ATP11B: variants seen among roughly 807,000 people sequenced by gnomAD.
ATP11B encodes the protein phospholipid-transporting ATPase IF.
In ATP11B, 81 loss-of-function variants were observed where a neutral mutation model predicts 157.8. The observed-to-expected ratio is 0.51, with a 90% CI of 0.43 to 0.62. ATP11B has a LOEUF of 0.62. Ranked by LOEUF, ATP11B falls within the 20% of genes least tolerant of loss-of-function variation. The pLI is 0.00. For synonymous variants in ATP11B, 451 were observed against 469.4 expected, an observed-to-expected ratio of 0.96 and a Z score of 0.51; for missense variants, 1,165 against 1,402.2, an observed-to-expected ratio of 0.83 and a Z score of 2.70.
intron 25 of ATP11B, among the ~76,000 whole-genome samples, chr3:182,890,238 A>G (rs1191182020): frequency 6.6e-6 from 1 of 152,212 alleles, no homozygotes; most frequent in African/African-American, 2.4e-5. Flanking sequence ...TAGGAAGGAA[A>G]GAAATGACAG....
intron 3 of ATP11B, among the ~76,000 whole-genome samples, chr3:182,828,749 G>A (rs540490632): frequency 6.6e-6 from 1 of 151,148 alleles, no homozygotes; most frequent in Non-Finnish European, 1.5e-5. Context: ...CTGTTAGACA[G>A]TTTCTTAATT....
At chr3:182,843,563 T>C (rs1460191732) in intron 8 of ATP11B, 1 of 152,220 alleles carries the variant, frequency 6.6e-6, no homozygotes, top group Non-Finnish European at 1.5e-5. Flanking sequence ...TTTTTCTTGG[T>C]TGTTTCAGAT....
At chr3:182,837,937 C>T (rs576378) in intron 7 of ATP11B, among the ~76,000 whole-genome samples, 107,183 of 151,882 alleles carry the variant, frequency 0.71, 38,286 homozygotes, top group Non-Finnish European at 0.76. Context: ...AAAAATTAAA[C>T]GATTAACTAA....
intron 22 of ATP11B, among the ~76,000 whole-genome samples, 179 bp from the exon 23 acceptor site, chr3:182,885,772 A>C (rs996646337): frequency 6.6e-6 from 1 of 152,032 alleles, no homozygotes; most frequent in Non-Finnish European, 1.5e-5. Flanking sequence ...ATGTTTTTAG[A>C]CATTTTTTGA....
At chr3:182,866,519 A>C in intron 14 of ATP11B, 76 bp downstream of exon 14, 4 of 1,246,156 alleles carry the variant, frequency 3.2e-6, no homozygotes, top group Non-Finnish European at 4.2e-6. Context: ...TCATCATTTA[A>C]AATTTTCAAA....
chr3:182,903,439 A>G (rs944294348), intron 28 of ATP11B, among the ~76,000 whole-genome samples: 1 of 152,148 alleles, frequency 6.6e-6, no homozygotes, highest in Non-Finnish European at 1.5e-5. Flanking sequence ...CATCTGATCA[A>G]ATGAATGGCT....
intron 25 of ATP11B, among the ~76,000 whole-genome samples, chr3:182,891,425 A>G (rs991955141): frequency 4.6e-5 from 7 of 152,190 alleles, no homozygotes; most frequent in South Asian, 4.1e-4. Flanking sequence ...TTATTTTTAC[A>G]TACTTGTTTC....
At chr3:182,863,864 T>C (rs1393839100) in intron 12 of ATP11B, among the ~76,000 whole-genome samples, 3 of 152,052 alleles carry the variant, frequency 2.0e-5, no homozygotes, top group Non-Finnish European at 4.4e-5. Context: ...ATCTTATATA[T>C]TTTCTGTATA....
At chr3:182,798,494 G>A (rs534861442) in intron 1 of ATP11B, among the ~76,000 whole-genome samples, 2 of 152,318 alleles carry the variant, frequency 1.3e-5, no homozygotes, top group African/African-American at 4.8e-5. Context: ...CTGTGAGTAT[G>A]TGCTGCTTTA....
chr3:182,915,088 T>C (rs1725052774), intron 29 of ATP11B: 1 of 985,280 alleles, frequency 1.0e-6, no homozygotes, highest in South Asian at 4.7e-5. Flanking sequence ...TTTTTATTAT[T>C]TGGTTAGCTT....
intron 28 of ATP11B, among the ~76,000 whole-genome samples, chr3:182,906,642 G>C (rs1199426984): frequency 1.3e-5 from 2 of 152,026 alleles, no homozygotes; most frequent in Admixed American, 6.6e-5. Flanking sequence ...GTGGAGACTG[G>C]GTCTCGCCGT....
intron 25 of ATP11B, 68 bp downstream of exon 25, chr3:182,889,616 A>C (rs1216485885): frequency 4.6e-6 from 6 of 1,312,660 alleles, no homozygotes; most frequent in Non-Finnish European, 6.2e-6. Flanking sequence ...CTTTTGTCAT[A>C]AAGTAAAATT....
intron 18 of ATP11B, 38 bp downstream of exon 18, chr3:182,872,575 C>G (rs1306714445): frequency 2.0e-6 from 3 of 1,492,104 alleles, no homozygotes; most frequent in South Asian, 1.3e-5. Context: ...ACTTTTCTCT[C>G]ATAGGAATTT....
chr3:182,813,396 G>A (rs1234393649), intron 1 of ATP11B, among the ~76,000 whole-genome samples: 1 of 152,092 alleles, frequency 6.6e-6, no homozygotes, highest in Non-Finnish European at 1.5e-5. Flanking sequence ...GTTTTGTGGG[G>A]TGTTTTGTTT....
At chr3:182,902,634 A>G in intron 28 of ATP11B, 1 of 964,232 alleles carries the variant, frequency 1.0e-6, no homozygotes, top group Non-Finnish European at 1.4e-6. Flanking sequence ...CAATATCAAA[A>G]GATGGGCAGA....
rs572611330 is a variant in ATP11B, at chr3:182,866,187, A to T, written c.1444-81A>T. On this transcript the variant is annotated intron_variant, in intron 13 of 29. Coordinates refer to ENST00000323116, the MANE Select transcript of ATP11B (RefSeq NM_014616.3). ...CAAGGTTGTAGCACTCTTGTTCTAG[A>T]TCTTAGAATTTTGCCTCTGGTTTCC... 1.6e-4 allele frequency: 167 copies of T among 1,075,478 alleles called. No individual in the cohort carries two copies. In the African/African-American group the frequency reaches 2.4e-3, roughly 16 times the overall value. 66.6% of individuals were successfully genotyped at this position (1,075,478 alleles called of 1,614,324 possible).
intron 25 of ATP11B, among the ~76,000 whole-genome samples, chr3:182,893,740 A>G (rs891580791): frequency 1.3e-5 from 2 of 152,170 alleles, no homozygotes; most frequent in Non-Finnish European, 2.9e-5. Flanking sequence ...TGGTAGTCCT[A>G]CTTTCAGTTC....
At chr3:182,902,821 C>G (rs1188808799) in intron 28 of ATP11B, among the ~76,000 whole-genome samples, 1 of 152,010 alleles carries the variant, frequency 6.6e-6, no homozygotes, top group African/African-American at 2.4e-5. Flanking sequence ...GTTAATATAT[C>G]TTTACACCTT....
At chr3:182,881,521 G>A (rs1344145350) in intron 21 of ATP11B, among the ~76,000 whole-genome samples, 7 of 150,282 alleles carry the variant, frequency 4.7e-5, no homozygotes, top group African/African-American at 7.3e-5. Context: ...CAGCCTGGGC[G>A]ACAGCAAGAC....
Sources: gnomAD v4.1 joint callset for allele counts (sites outside exome capture counted in the v4.1 genomes callset) on GRCh38, gnomAD v4.1.1 for gene constraint, MANE v1.5 for transcripts, NCBI Gene and HGNC (gene_info 2026-07-23, HGNC 2026-07-21) for gene names.